SLIT2: variants seen among roughly 807,000 people sequenced by gnomAD.
The protein encoded by SLIT2 is slit guidance ligand 2.
In SLIT2, 41 loss-of-function variants were observed where a neutral mutation model predicts 185.7. The observed-to-expected ratio is 0.22, with a 90% CI of 0.17 to 0.29. The LOEUF is 0.29. SLIT2 is among the 10% of genes least tolerant of loss of function. The probability of loss-of-function intolerance (pLI) is 1.00; values close to 1 mark genes in which losing one functional copy is unlikely to be tolerated. For synonymous variants in SLIT2, 693 were observed against 680.2 expected (o/e 1.02, Z -0.29); for missense variants, 1,571 against 1,909.0 (o/e 0.82, Z 3.30).
intron 4 of SLIT2, among the ~76,000 whole-genome samples, chr4:20,274,738 C>G (rs1261555191): frequency 7.3e-6 from 1 of 136,386 alleles, no homozygotes; most frequent in East Asian, 2.1e-4. Flanking sequence ...AAGAAAGTTT[C>G]TGTGTTTTTT....
chr4:20,587,428 ATTTTGCTAC>A (rs1177984931), intron 29 of SLIT2, among the ~76,000 whole-genome samples: 1 of 152,132 alleles, frequency 6.6e-6, no homozygotes, highest in Non-Finnish European at 1.5e-5. Flanking sequence ...GATTATTGCT[ATTTTGCTAC>A]TCTTGGAGAG....
chr4:20,380,981 T>C (rs1202555682), intron 4 of SLIT2, among the ~76,000 whole-genome samples: 1 of 152,088 alleles, frequency 6.6e-6, no homozygotes, highest in Non-Finnish European at 1.5e-5. Context: ...TGGCTGGGTG[T>C]GATGGCCCAC....
intron 9 of SLIT2, among the ~76,000 whole-genome samples, chr4:20,509,192 T>C (rs1719482337): frequency 6.6e-6 from 1 of 151,552 alleles, no homozygotes; most frequent in South Asian, 2.1e-4. Flanking sequence ...GCATATATTT[T>C]TTCAAATCCG....
At position 20,552,695 on chromosome 4, in the gene SLIT2, G is replaced by A. The variant is rs991088337; in HGVS notation, c.2562-1110G>A. ...GGCATTAAAACTTCCACAGTATCGA[G>A]TATTATGATTCTACACATATATTTC... is the stretch of plus-strand genomic sequence containing the variant. On this transcript the variant is annotated intron_variant, in intron 25 of 36. Transcript: ENST00000504154. 4 of 152,150 alleles carry A rather than the reference G, an allele frequency of 2.6e-5. No homozygotes were observed. In the East Asian group the frequency reaches 7.7e-4, roughly 29 times the overall value. The allele number at this position is 152,150 out of a possible 1,614,324, so 9.4% of individuals were successfully genotyped here.
chr4:20,616,379 GC>G (rs1729652382), intron 34 of SLIT2: 1 of 152,284 alleles, frequency 6.6e-6, no homozygotes, highest in South Asian at 2.1e-4. Flanking sequence ...CTTCTCATCA[GC>G]CTAACTCTAA....
chr4:20,302,019 A>G (rs1267412973), intron 4 of SLIT2, among the ~76,000 whole-genome samples: 1 of 152,198 alleles, frequency 6.6e-6, no homozygotes, highest in South Asian at 2.1e-4. Flanking sequence ...TGAAATTAAG[A>G]AAAAGAGATC....
intron 26 of SLIT2, among the ~76,000 whole-genome samples, chr4:20,559,163 C>G (rs934532763): frequency 6.6e-6 from 1 of 151,974 alleles, no homozygotes; most frequent in Non-Finnish European, 1.5e-5. Flanking sequence ...TGAGCTAAAA[C>G]TTGTTAATTG....
chr4:20,483,520 T>C (rs1716912108), intron 6 of SLIT2, among the ~76,000 whole-genome samples: 1 of 152,054 alleles, frequency 6.6e-6, no homozygotes, highest in South Asian at 2.1e-4. Flanking sequence ...ATGAAATATA[T>C]CCCTTGAATT....
chr4:20,447,698 G>A (rs1024401389), intron 4 of SLIT2, among the ~76,000 whole-genome samples: 29 of 152,122 alleles, frequency 1.9e-4, no homozygotes, highest in South Asian at 2.1e-4. Context: ...TATTGTCTGC[G>A]TTTGTCAAGG....
At chr4:20,581,741 CTT>C (rs757637036) in intron 29 of SLIT2, among the ~76,000 whole-genome samples, 2 of 149,674 alleles carry the variant, frequency 1.3e-5, no homozygotes, top group East Asian at 2.0e-4. Flanking sequence ...AGAGTTCTCT[CTT>C]TCTCTCTCTT....
Position 20,529,092 on chromosome 4 carries a change from G to A in SLIT2, c.1606G>A (p.Ala536Thr). 6.2e-7 allele frequency: 1 copy of A among 1,601,666 alleles called. No individual in the cohort carries two copies. The highest frequency in any genetic ancestry group is 8.5e-7 in the Non-Finnish European group (1 of 1,172,022). The stretch of plus-strand genomic sequence containing the variant: ...CCCGGAGCACATTCCCCAGTACACT[G>A]CAGAGTTGTAAGTTCATCCCCCAAC... ...KIPEHIPQYT[A>T]ELRLNNNEFT... Residue 536 changes from alanine to threonine, a missense_variant, in exon 16 of 37, where the codon GCA becomes ACA. By Grantham distance (58) the Ala-to-Thr change is moderately conservative. Transcript: ENST00000504154.
At chr4:20,568,734 A>T in intron 28 of SLIT2, 131 bp from the exon 29 acceptor site, 1 of 776,768 alleles carries the variant, frequency 1.3e-6, no homozygotes, top group East Asian at 2.5e-5. Context: ...AAAGCATTTT[A>T]AAAAATCAAT....
chr4:20,424,499 A>G (rs556961999), intron 4 of SLIT2, among the ~76,000 whole-genome samples: 206 of 152,210 alleles, frequency 1.4e-3, no homozygotes, highest in African/African-American at 4.5e-3. Context: ...TTTTTCTCAA[A>G]TACTGTAGTA....
At chr4:20,339,297 G>A (rs774403888) in intron 4 of SLIT2, among the ~76,000 whole-genome samples, 5 of 151,692 alleles carry the variant, frequency 3.3e-5, no homozygotes, top group Non-Finnish European at 7.4e-5. Flanking sequence ...ATTTCTCAGT[G>A]GTCTACTTGG....
intron 4 of SLIT2, among the ~76,000 whole-genome samples, chr4:20,301,251 G>A (rs1717010524): frequency 6.6e-6 from 1 of 152,046 alleles, no homozygotes; most frequent in African/African-American, 2.4e-5. Flanking sequence ...AATTCAAAAT[G>A]CTGGCTATTT....
intron 4 of SLIT2, among the ~76,000 whole-genome samples, chr4:20,386,601 A>G (rs1343946432): frequency 6.6e-6 from 1 of 152,184 alleles, no homozygotes; most frequent in East Asian, 1.9e-4. Flanking sequence ...AACATACTGA[A>G]ATTCTATTAT....
At chr4:20,389,931 C>T (rs966202176) in intron 4 of SLIT2, among the ~76,000 whole-genome samples, 6 of 152,094 alleles carry the variant, frequency 3.9e-5, no homozygotes, top group East Asian at 3.9e-4. Flanking sequence ...TCCAATCATC[C>T]GATAAATACT....
At chr4:20,309,638 T>C (rs986962981) in intron 4 of SLIT2, among the ~76,000 whole-genome samples, 20 of 152,060 alleles carry the variant, frequency 1.3e-4, no homozygotes, top group African/African-American at 4.8e-4. Flanking sequence ...ATTTGCTATA[T>C]CTAATACCTG....
chr4:20,578,027 A>G (rs1395314568), intron 29 of SLIT2, among the ~76,000 whole-genome samples: 4 of 152,198 alleles, frequency 2.6e-5, no homozygotes, highest in South Asian at 2.1e-4. Flanking sequence ...CCAGCCTGCA[A>G]GGGCACACCT....
Sources: gnomAD v4.1 joint callset for allele counts (sites outside exome capture counted in the v4.1 genomes callset) on GRCh38, gnomAD v4.1.1 for gene constraint, MANE v1.5 for transcripts, NCBI Gene and HGNC (gene_info 2026-07-23, HGNC 2026-07-21) for gene names.